The following ABLIM2 variants were observed in gnomAD, a reference collection of about 807,000 sequenced individuals.
ABLIM2 encodes the protein actin-binding LIM protein 2.
A neutral mutation model predicts 97.7 loss-of-function variants in ABLIM2; 53 were observed. The observed-to-expected ratio is 0.54, with a 90% CI of 0.44 to 0.68. ABLIM2 has a LOEUF of 0.68. Among genes scored for constraint, ABLIM2 ranks in the 30% least tolerant of loss-of-function variants. ABLIM2 has a pLI of 0.00. For missense variants in ABLIM2, 835 were observed against 867.2 expected (o/e 0.96, Z 0.47); for synonymous variants, 361 against 345.8 (o/e 1.04, Z -0.49).
In ABLIM2 at chr4:8,032,551, G is replaced by A. The variant is rs964870412; in HGVS notation, c.1048-2775C>T. The A allele has an allele frequency of 6.6e-6, 10 of 1,507,982 alleles. No individual in the cohort carries two copies. In the African/African-American group the frequency reaches 6.9e-5, roughly 10 times the overall value. The allele number at this position is 1,507,982 out of a possible 1,614,324, so 93.4% of individuals were successfully genotyped here. A position where few individuals can be genotyped will look rare whatever the true frequency, so the allele number is the denominator to read the frequency against. On this transcript the variant is annotated intron_variant, in intron 10 of 20. Coordinates refer to ENST00000447017, the MANE Select transcript of ABLIM2 (RefSeq NM_001130083.2). The surrounding 1 kb of genome is among the most constrained non-coding windows in gnomAD (Gnocchi z 4.3). The stretch of plus-strand genomic sequence containing the variant: ...CCGGGCCCCATGGTGAAGAGCCACC[G>A]AGGAGGCCCTTCCCGGGAGTGCGGC...
In ABLIM2 at chr4:8,015,152, C is replaced by T. The variant is rs570415429; in HGVS notation, c.1423+4466G>A. Among the ~76,000 whole-genome samples, 7 of 152,200 alleles carry T rather than the reference C, an allele frequency of 4.6e-5. No homozygotes were observed. Among genetic ancestry groups the T allele is most frequent in the African/African-American group, 1.4e-4 (6 of 41,530 alleles). On this transcript the variant is annotated intron_variant, in intron 14 of 20. Coordinates refer to ENST00000447017, the MANE Select transcript of ABLIM2 (RefSeq NM_001130083.2). The surrounding 1 kb of genome is among the most constrained non-coding windows in gnomAD (Gnocchi z 4.6). ...GCCAGGCTGGTCTCGAATGCTTGAC[C>T]TCAGGTGATCCATTCACCTCAGCCT... is the stretch of plus-strand genomic sequence containing the variant.
rs1715140898 is a variant in ABLIM2, at chr4:8,155,850, C to T, written c.10+2830G>A. ...GGAAGACGGGGCGAGGACACAGACA[C>T]ACACAAAGGGAAGACGGGGCGAGGA... On this transcript the variant is annotated intron_variant, in intron 1 of 20. Transcript: ENST00000447017. This position sits in a 1 kb window ranked among gnomAD's most constrained non-coding sequence, Gnocchi z 4.2. Among the ~76,000 whole-genome samples the T allele has an allele frequency of 6.6e-6, 1 of 151,566 alleles. No homozygotes were observed. The highest frequency in any genetic ancestry group is 6.6e-5 in the Admixed American group (1 of 15,246).
intron 6 of ABLIM2, among the ~76,000 whole-genome samples, chr4:8,076,930 G>T (rs534349901): frequency 1.7e-5 from 2 of 119,274 alleles, no homozygotes; most frequent in African/African-American, 6.2e-5. Context: ...GCTACAGGGT[G>T]GGGGGGTCTG....
In ABLIM2 at chr4:8,063,158, C is replaced by T. The variant is rs540404423; in HGVS notation, c.676-2104G>A. On this transcript the variant is annotated intron_variant, in intron 6 of 20. Transcript: ENST00000447017. ...TCAGCTCACTGCAACCTCTGCCTCC[C>T]GGGTTCAAGTGATTCTCCTGCCTCA... is the stretch of plus-strand genomic sequence containing the variant. Among the ~76,000 whole-genome samples, 36 of 152,284 alleles carry T rather than the reference C, an allele frequency of 2.4e-4. No homozygotes were observed. In the East Asian group the frequency reaches 2.9e-3, roughly 12 times the overall value.
In ABLIM2 at chr4:8,061,163, T is replaced by G; in HGVS notation, c.676-109A>C. 1.1e-6 allele frequency: 1 copy of G among 921,464 alleles called. No homozygotes were observed. The highest frequency in any genetic ancestry group is 1.7e-6 in the Non-Finnish European group (1 of 599,906). 57.1% of individuals were successfully genotyped at this position (921,464 alleles called of 1,614,324 possible). On this transcript the variant is annotated intron_variant, in intron 6 of 20. Transcript: ENST00000447017. This position sits in a 1 kb window ranked among gnomAD's most constrained non-coding sequence, Gnocchi z 4.5. ...GCCCTGAGCACAGGTACTCAGGGGA[T>G]ACTGGAAGGGCCAGCCCCCACCATC...
intron 4 of ABLIM2, 132 bp from the exon 5 acceptor site, chr4:8,080,934 A>T: frequency 1.7e-6 from 2 of 1,174,328 alleles, no homozygotes; most frequent in Admixed American, 2.7e-5. Flanking sequence ...AGCCACAGCG[A>T]GTGTGCTTGG....
chr4:8,036,019 G>A, intron 10 of ABLIM2, 130 bp downstream of exon 10: 2 of 1,152,604 alleles, frequency 1.7e-6, no homozygotes, highest in Non-Finnish European at 2.4e-6. Flanking sequence ...TGAAGAGGCT[G>A]AGCGTGTGGG....
chr4:8,091,457 TA>T (rs1827930644), intron 3 of ABLIM2, among the ~76,000 whole-genome samples: 1 of 19,322 alleles, frequency 5.2e-5, no homozygotes, highest in African/African-American at 1.4e-4. Context: ...TATATATAAT[TA>T]TATAATTATA....
At chr4:8,027,890 C>T (rs1385421984) in intron 11 of ABLIM2, 33 bp from the exon 12 acceptor site, 1 of 1,494,576 alleles carries the variant, frequency 6.7e-7, no homozygotes, top group Non-Finnish European at 9.0e-7. Flanking sequence ...TCAGAGTCAA[C>T]CTGGGCTGGC....
chr4:8,057,944 T>A (rs1416286053), intron 7 of ABLIM2, among the ~76,000 whole-genome samples: 1 of 152,162 alleles, frequency 6.6e-6, no homozygotes, highest in Non-Finnish European at 1.5e-5. Context: ...GAGCAGAGCC[T>A]CAAAGCCACA....
At chr4:7,993,350 C>T (rs1465925328) in intron 16 of ABLIM2, among the ~76,000 whole-genome samples, 1 of 152,222 alleles carries the variant, frequency 6.6e-6, no homozygotes, top group Admixed American at 6.5e-5. Context: ...AAATGGAGGC[C>T]CACCACCAAG....
In ABLIM2 at chr4:7,970,978, G is replaced by C. The variant is rs1727516053; in HGVS notation, c.1825-3875C>G. Among the ~76,000 whole-genome samples, 1 of 152,104 alleles carries C rather than the reference G, an allele frequency of 6.6e-6. No individual in the cohort carries two copies. The highest frequency in any genetic ancestry group is 2.4e-5 in the African/African-American group (1 of 41,432). On this transcript the variant is annotated intron_variant, in intron 20 of 20. Transcript: ENST00000447017. This position sits in a 1 kb window ranked among gnomAD's most constrained non-coding sequence, Gnocchi z 5.3. The stretch of plus-strand genomic sequence containing the variant: ...CCTGTTTTCTGTCTGCAGCGTGAGA[G>C]AACTTGGTTGCCTGGGTATCCGGAA...
rs1054631836 is a variant in ABLIM2, at chr4:8,046,886, C to T, written c.823-1645G>A. On this transcript the variant is annotated intron_variant, in intron 8 of 20. Transcript: ENST00000447017. The surrounding 1 kb of genome is among the most constrained non-coding windows in gnomAD (Gnocchi z 4.4). The stretch of plus-strand genomic sequence containing the variant: ...AGGCACAGGGAGAAGGCAGCATCTA[C>T]GAGCCAACGAGGGAGAAACCACCCC... 5.3e-5 allele frequency among the ~76,000 whole-genome samples: 8 copies of T among 152,266 alleles called. No homozygotes were observed. In the East Asian group the frequency reaches 5.8e-4, roughly 11 times the overall value.
At chr4:8,080,206 G>T (rs748250969) in intron 5 of ABLIM2, among the ~76,000 whole-genome samples, 1 of 152,224 alleles carries the variant, frequency 6.6e-6, no homozygotes, top group Non-Finnish European at 1.5e-5. Flanking sequence ...GACAGAGTGC[G>T]TGGCTGTGGG....
rs555796245 is a variant in ABLIM2, at chr4:8,149,335, C to T, written c.10+9345G>A. Among the ~76,000 whole-genome samples, 1 of 152,206 alleles carries T rather than the reference C, an allele frequency of 6.6e-6. No individual in the cohort carries two copies. The highest frequency in any genetic ancestry group is 2.1e-4 in the South Asian group (1 of 4,822). ...CGCATGAGGTCACATAGTCACAGGG[C>T]CTGGGATTAGGACATGGGCACCTTT... On this transcript the variant is annotated intron_variant, in intron 1 of 20. Coordinates refer to ENST00000447017, the MANE Select transcript of ABLIM2 (RefSeq NM_001130083.2). The surrounding 1 kb of genome is among the most constrained non-coding windows in gnomAD (Gnocchi z 6.4).
chr4:8,035,514 C>T (rs978086495), intron 10 of ABLIM2, among the ~76,000 whole-genome samples: 35 of 152,348 alleles, frequency 2.3e-4, no homozygotes, highest in South Asian at 2.1e-4. Context: ...AGCCTGGCAA[C>T]GCCTCCTCCT....
intron 20 of ABLIM2, among the ~76,000 whole-genome samples, chr4:7,967,383 A>C (rs1723737042): frequency 6.6e-6 from 1 of 152,204 alleles, no homozygotes; most frequent in Non-Finnish European, 1.5e-5. Flanking sequence ...GCTGCTGTGG[A>C]CCAAGTTCAT....
In ABLIM2 at chr4:7,998,687, G is replaced by C. The variant is rs755081689; in HGVS notation, c.1619-5760C>G. Reference sequence around the variant, plus strand: ...TTTGCCACCACATGGGAGGCTGGGAGTCTGCAGGTCTGGGCCACCTCCTGC... The same window carrying C: ...TTTGCCACCACATGGGAGGCTGGGACTCTGCAGGTCTGGGCCACCTCCTGC... On this transcript the variant is annotated intron_variant, in intron 16 of 20. Transcript: ENST00000447017. This position sits in a 1 kb window ranked among gnomAD's most constrained non-coding sequence, Gnocchi z 6.4. 2.0e-6 allele frequency: 1 copy of C among 507,676 alleles called. No homozygotes were observed. 31.4% of individuals were successfully genotyped at this position (507,676 alleles called of 1,614,324 possible). A position where few individuals can be genotyped will look rare whatever the true frequency, so the allele number is the denominator to read the frequency against.
rs1004203812 is a variant in ABLIM2 at position 8,096,979 on chromosome 4, G to A, written c.338+120C>T. ...AGACTGTGGGGCCTGGAACAGCCTC[G>A]CTGCAGGATGCAGAGGGCGGGTCAC... On this transcript the variant is annotated intron_variant, in intron 3 of 20. Transcript: ENST00000447017. The A allele has an allele frequency of 4.3e-5, 54 of 1,252,062 alleles. No homozygotes were observed. The African/African-American group carries it at 5.2e-4, about 12-fold the overall frequency. 77.6% of individuals were successfully genotyped at this position (1,252,062 alleles called of 1,614,324 possible).
Sources: gnomAD v4.1 joint callset for allele counts (sites outside exome capture counted in the v4.1 genomes callset) on GRCh38, gnomAD v4.1.1 for gene constraint, Gnocchi (gnomAD v3.1) non-coding constraint, MANE v1.5 for transcripts, NCBI Gene and HGNC (gene_info 2026-07-23, HGNC 2026-07-21) for gene names.